The following MYH14 variants were observed in gnomAD, a reference collection of about 807,000 sequenced individuals.
MYH14 encodes the protein myosin heavy chain 14.
MYH14 carries 123 observed loss-of-function variants against 255.5 expected under a neutral mutation model. The observed-to-expected ratio is 0.48, with a 90% confidence interval of 0.42 to 0.56. The LOEUF (loss-of-function observed/expected upper bound fraction) is 0.56. Ranked by LOEUF, MYH14 falls within the 20% of genes least tolerant of loss-of-function variation. MYH14 has a pLI of 0.00. For synonymous variants in MYH14, 1,095 were observed against 1,161.2 expected, an observed-to-expected ratio of 0.94 and a Z score of 1.16; for missense variants, 2,423 against 2,802.3, an observed-to-expected ratio of 0.86 and a Z score of 3.06.
chr19:50,297,275 C>G (rs981304240), intron 39 of MYH14, among the ~76,000 whole-genome samples: 5 of 151,838 alleles, frequency 3.3e-5, no homozygotes, highest in African/African-American at 1.2e-4. Flanking sequence ...TGAGCCACCG[C>G]GCCCGGCCAG....
intron 3 of MYH14, among the ~76,000 whole-genome samples, chr19:50,220,615 G>A (rs1457398087): frequency 1.3e-5 from 2 of 151,806 alleles, no homozygotes; most frequent in Non-Finnish European, 2.9e-5. Context: ...GAGTGCAGTG[G>A]CATGACCTTA....
At chr19:50,284,085 C>CAAAAAAAAAA (rs1289256025) in intron 33 of MYH14, among the ~76,000 whole-genome samples, 1 of 116,938 alleles carries the variant, frequency 8.6e-6, no homozygotes, top group African/African-American at 3.9e-5. Flanking sequence ...AAAAACAAAA[C>CAAAAAAAAAA]AAAAAACAAA....
At chr19:50,299,427 C>T (rs547266399) in intron 39 of MYH14, among the ~76,000 whole-genome samples, 18 of 150,300 alleles carry the variant, frequency 1.2e-4, no homozygotes, top group African/African-American at 2.9e-4. Flanking sequence ...AAAAATGAGC[C>T]GGACGTGGTG....
chr19:50,295,005 GTT>G lies in MYH14; in HGVS notation c.5469+1338_5469+1339del, dbSNP rs1195396880. Among the ~76,000 whole-genome samples the G allele has an allele frequency of 1.3e-3, 190 of 143,078 alleles. 2 individuals carry two copies. Among genetic ancestry groups the G allele is most frequent in the African/African-American group, 4.5e-3 (171 of 38,406 alleles). The allele number at this position is 143,078 out of a possible 152,430, so 93.9% of individuals were successfully genotyped here. On this transcript the variant is annotated intron_variant, in intron 39 of 42. Coordinates refer to ENST00000642316, the MANE Select transcript of MYH14 (RefSeq NM_001145809.2). ...ATAGTTGTCCTAGAGAAGAGATTAA[GTT>G]TTTTTTTTTTTTTTTTTTTAAAAAC...
intron 10 of MYH14, among the ~76,000 whole-genome samples, chr19:50,239,879 T>C (rs1248776085): frequency 3.9e-5 from 6 of 152,166 alleles, no homozygotes; most frequent in African/African-American, 1.4e-4. Context: ...CACCTTTGTG[T>C]AGAAGTACAG....
intron 34 of MYH14, 55 bp from the exon 35 acceptor site, chr19:50,289,381 C>A: frequency 1.2e-5 from 17 of 1,452,480 alleles, no homozygotes; most frequent in Non-Finnish European, 1.6e-5. Flanking sequence ...TAGCTAGGCT[C>A]CTAACCTCCT....
chr19:50,300,778 G>A (rs1404088176), intron 39 of MYH14, among the ~76,000 whole-genome samples: 3 of 152,070 alleles, frequency 2.0e-5, no homozygotes, highest in Non-Finnish European at 4.4e-5. Context: ...AATAAAATTA[G>A]CAGGGGTGAT....
At chr19:50,263,614 G>A (rs1420814521) in intron 22 of MYH14, among the ~76,000 whole-genome samples, 194 bp downstream of exon 22, 1 of 152,126 alleles carries the variant, frequency 6.6e-6, no homozygotes, top group Non-Finnish European at 1.5e-5. Flanking sequence ...GAACCAACAT[G>A]GATCAAAGAT....
At chr19:50,222,284 T>G (rs767461596) in intron 3 of MYH14, among the ~76,000 whole-genome samples, 1 of 151,808 alleles carries the variant, frequency 6.6e-6, no homozygotes, top group Non-Finnish European at 1.5e-5. Context: ...ATCGAGACCA[T>G]CCTGGCTAAC....
At chr19:50,267,659 C>A (rs1176785416) in intron 23 of MYH14, among the ~76,000 whole-genome samples, 1 of 130,374 alleles carries the variant, frequency 7.7e-6, no homozygotes, top group Non-Finnish European at 1.6e-5. Context: ...CTAGAACAAA[C>A]CCCTTCTTGA....
At chr19:50,240,321 G>A (rs1371988490) in intron 10 of MYH14, among the ~76,000 whole-genome samples, 1 of 152,230 alleles carries the variant, frequency 6.6e-6, no homozygotes, top group Admixed American at 6.5e-5. Flanking sequence ...GCTTATGCCT[G>A]TAATCCCAGC....
Position 50,260,766 on chromosome 19 carries a change from CATGAGTGT to C in MYH14, c.2424+52_2424+59del, listed in dbSNP as rs2034802453. Reference sequence around the variant, plus strand: ...GTGTGTGCGTGTGTGTGTGTGCGTGCATGAGTGTGCGTGCATGTGTGTGTGCATGCATA... The same window carrying C: ...GTGTGTGCGTGTGTGTGTGTGCGTGCGCGTGCATGTGTGTGTGCATGCATA... On this transcript the variant is annotated intron_variant, in intron 20 of 42. Coordinates refer to ENST00000642316, the MANE Select transcript of MYH14 (RefSeq NM_001145809.2). 1.1e-5 allele frequency: 14 copies of C among 1,247,784 alleles called. No homozygotes were observed. The African/African-American group carries it at 2.2e-4, about 19-fold the overall frequency. 77.3% of individuals were successfully genotyped at this position (1,247,784 alleles called of 1,614,324 possible).
chr19:50,222,352 C>T (rs368429318), intron 3 of MYH14, among the ~76,000 whole-genome samples: 1 of 151,666 alleles, frequency 6.6e-6, no homozygotes, highest in Non-Finnish European at 1.5e-5. Flanking sequence ...TGGTGGTGGG[C>T]GCCTCTAGTC....
intron 42 of MYH14, 74 bp downstream of exon 42, chr19:50,309,251 G>A (rs972241246): frequency 7.8e-5 from 113 of 1,443,220 alleles, no homozygotes; most frequent in Admixed American, 2.7e-4. Flanking sequence ...ACGCGAGGCC[G>A]TGCCAGGGGC....
intron 1 of MYH14, among the ~76,000 whole-genome samples, chr19:50,204,888 C>T (rs1208068928): frequency 1.3e-5 from 2 of 151,024 alleles, no homozygotes; most frequent in Non-Finnish European, 3.0e-5. Flanking sequence ...GAGAGAGACC[C>T]TGTCTCTCCC....
At chr19:50,224,032 T>TTCCCCCTCCC in intron 5 of MYH14, 122 bp from the exon 6 acceptor site, 2 of 610,330 alleles carry the variant, frequency 3.3e-6, no homozygotes. Flanking sequence ...ATGCCCGGTT[T>TTCCCCCTCCC]CCCCAGTCCC....
intron 10 of MYH14, among the ~76,000 whole-genome samples, chr19:50,232,605 A>C (rs1391512950): frequency 5.3e-5 from 8 of 151,174 alleles, no homozygotes; most frequent in African/African-American, 1.7e-4. Flanking sequence ...AAAAAAAAAA[A>C]AAAAAAAAAA....
In MYH14 at chr19:50,280,202, C is replaced by T. The variant is rs1320335811; in HGVS notation, c.4138-29C>T. On this transcript the variant is annotated intron_variant, in intron 31 of 42. Coordinates refer to ENST00000642316, the MANE Select transcript of MYH14 (RefSeq NM_001145809.2). The surrounding 1 kb of genome is among the most constrained non-coding windows in gnomAD (Gnocchi z 4.8). ...TCCCCTCCTTGTCCTCCCAGCCACA[C>T]CTGACATTGCCGTCTCCTCCATCTA... is the stretch of plus-strand genomic sequence containing the variant. 5 of 1,554,698 alleles carry T rather than the reference C, an allele frequency of 3.2e-6. No individual in the cohort carries two copies. Among genetic ancestry groups the T allele is most frequent in the Non-Finnish European group, 4.4e-6 (5 of 1,149,060 alleles).
In MYH14 at chr19:50,293,306, A is replaced by G. The variant is rs756329020; in HGVS notation, c.5330A>G (p.Asn1777Ser). Residue 1777 changes from asparagine (N) to serine (S), a missense_variant, in exon 38 of 43, where the codon AAT becomes AGT. Asn to Ser is a conservative substitution (Grantham distance 46, BLOSUM62 1). Transcript: ENST00000642316. The surrounding 1 kb of genome is among the most constrained non-coding windows in gnomAD (Gnocchi z 4.1). ...DRDEMADEVA[N>S]GNLSKAAILE... is the part of the protein sequence containing the mutation. ...GATGAGATGGCAGATGAGGTGGCCA[A>G]TGGTAACCTTAGCAAGTAAGTGCCC... 2.6e-5 allele frequency: 42 copies of G among 1,606,412 alleles called. No homozygotes were observed. Among genetic ancestry groups the G allele is most frequent in the South Asian group, 5.6e-5 (5 of 89,482 alleles).
Sources: gnomAD v4.1 joint callset for allele counts (sites outside exome capture counted in the v4.1 genomes callset) on GRCh38, gnomAD v4.1.1 for gene constraint, Gnocchi (gnomAD v3.1) non-coding constraint, MANE v1.5 for transcripts, NCBI Gene and HGNC (gene_info 2026-07-23, HGNC 2026-07-21) for gene names.